SENP7: variants seen among roughly 807,000 people sequenced by gnomAD.
The protein encoded by SENP7 is SUMO specific peptidase 7, also known as sentrin-specific protease 7.
Under a neutral mutation model 141.2 loss-of-function variants are expected in SENP7, and 64 were observed. That is an observed-to-expected ratio of 0.45 (90% CI 0.37 to 0.56). The LOEUF (loss-of-function observed/expected upper bound fraction) is 0.56, where lower values mean the gene tolerates loss of function less well. SENP7 is among the 20% of genes least tolerant of loss of function. The pLI is 0.00. For missense variants in SENP7, 1,025 were observed against 1,212.2 expected, an observed-to-expected ratio of 0.85 and a Z score of 2.29; for synonymous variants, 382 against 426.4, an observed-to-expected ratio of 0.90 and a Z score of 1.28.
At chr3:101,368,581 G>C (rs1314826939) in intron 7 of SENP7, among the ~76,000 whole-genome samples, 7 of 120,984 alleles carry the variant, frequency 5.8e-5, no homozygotes, top group African/African-American at 2.1e-4. Flanking sequence ...GTTGTAGGGT[G>C]GGGGGTGGGG....
intron 6 of SENP7, among the ~76,000 whole-genome samples, chr3:101,386,400 A>C (rs983019191): frequency 5.9e-5 from 9 of 152,182 alleles, no homozygotes; most frequent in African/African-American, 1.9e-4. Flanking sequence ...GGCTGCCTGG[A>C]GTCCACATAA....
At chr3:101,344,544 G>C (rs1318796498) in intron 13 of SENP7, among the ~76,000 whole-genome samples, 1 of 152,148 alleles carries the variant, frequency 6.6e-6, no homozygotes, top group African/African-American at 2.4e-5. Flanking sequence ...GTAGGAAAAA[G>C]GTAGAGGGAT....
chr3:101,384,034 C>A (rs2060582500), intron 6 of SENP7, among the ~76,000 whole-genome samples: 1 of 152,226 alleles, frequency 6.6e-6, no homozygotes. Context: ...CTGGACTCAG[C>A]CAGACTTGGG....
At position 101,393,283 on chromosome 3, in the gene SENP7, A is replaced by AT. The variant is rs202244437; in HGVS notation, c.677+5577dup. ...CTATATGACATTGGTCTGAGCAATG[A>AT]TTTTTTAGATTTCACCCAAAAAGCA... On this transcript the variant is annotated intron_variant, in intron 6 of 23. Coordinates refer to ENST00000394095, the MANE Select transcript of SENP7 (RefSeq NM_020654.5). 5.2e-3 allele frequency among the ~76,000 whole-genome samples: 792 copies of AT among 152,314 alleles called. 29 individuals carry two copies. Among genetic ancestry groups the AT allele is most frequent in the Admixed American group, 0.044 (672 of 15,294 alleles).
intron 1 of SENP7, among the ~76,000 whole-genome samples, chr3:101,507,511 T>C (rs559696721): frequency 1.3e-5 from 2 of 152,326 alleles, no homozygotes; most frequent in Admixed American, 1.3e-4. Flanking sequence ...TCAATACAGT[T>C]TCCTTAAATT....
At chr3:101,510,681 C>T (rs953674113) in intron 1 of SENP7, among the ~76,000 whole-genome samples, 1 of 151,840 alleles carries the variant, frequency 6.6e-6, no homozygotes, top group Non-Finnish European at 1.5e-5. Flanking sequence ...TGTGAAACCC[C>T]ATCTTTACTA....
intron 4 of SENP7, among the ~76,000 whole-genome samples, chr3:101,448,697 A>G (rs2062994747): frequency 6.6e-6 from 1 of 152,204 alleles, no homozygotes; most frequent in Non-Finnish European, 1.5e-5. Flanking sequence ...AACAAACAGA[A>G]AGGACATCCA....
intron 19 of SENP7, among the ~76,000 whole-genome samples, chr3:101,330,632 G>C (rs746943604): frequency 1.3e-5 from 2 of 152,074 alleles, no homozygotes; most frequent in Non-Finnish European, 2.9e-5. Context: ...AGTTAGCTAG[G>C]CAAATTCTCT....
At chr3:101,356,806 G>C (rs2059754961) in intron 11 of SENP7, among the ~76,000 whole-genome samples, 1 of 151,942 alleles carries the variant, frequency 6.6e-6, no homozygotes, top group African/African-American at 2.4e-5. Context: ...AAAAAAGCTT[G>C]AGCAATTGCT....
intron 4 of SENP7, among the ~76,000 whole-genome samples, chr3:101,439,039 A>G (rs2062514665): frequency 7.8e-6 from 1 of 128,620 alleles, no homozygotes; most frequent in Non-Finnish European, 1.7e-5. Context: ...CCCAGTCTGG[A>G]AAGTGAGGAG....
At position 101,351,286 on chromosome 3, in the gene SENP7, T is replaced by C. The variant is rs748352722; in HGVS notation, c.1657+332A>G. On this transcript the variant is annotated intron_variant, in intron 12 of 23. Transcript: ENST00000394095. Reference sequence around the variant, plus strand: ...CCTCTATGCAAAAACATTTTACATGTTTGTGTGCAATATTAAACATTTTCC... The same window carrying C: ...CCTCTATGCAAAAACATTTTACATGCTTGTGTGCAATATTAAACATTTTCC... Among the ~76,000 whole-genome samples the C allele has an allele frequency of 3.9e-4, 59 of 152,050 alleles. 1 individual carries two copies. Among genetic ancestry groups the C allele is most frequent in the Non-Finnish European group, 5.9e-4 (40 of 67,844 alleles).
intron 5 of SENP7, among the ~76,000 whole-genome samples, chr3:101,406,666 A>G (rs2061316777): frequency 6.6e-6 from 1 of 152,188 alleles, no homozygotes; most frequent in African/African-American, 2.4e-5. Context: ...AATTGAGGAA[A>G]GCTTCCCTGG....
At chr3:101,488,958 A>C (rs1174473345) in intron 3 of SENP7, among the ~76,000 whole-genome samples, 1 of 152,218 alleles carries the variant, frequency 6.6e-6, no homozygotes, top group Non-Finnish European at 1.5e-5. Context: ...CTAGCAGCAG[A>C]CTTCTTGGCA....
chr3:101,432,768 C>T (rs1426350319), intron 4 of SENP7, among the ~76,000 whole-genome samples: 3 of 152,178 alleles, frequency 2.0e-5, no homozygotes, highest in African/African-American at 7.2e-5. Flanking sequence ...CACCCAGCTC[C>T]TTTCAAATAT....
chr3:101,493,569 GA>G (rs966917607), intron 3 of SENP7, among the ~76,000 whole-genome samples: 1 of 151,910 alleles, frequency 6.6e-6, no homozygotes, highest in Non-Finnish European at 1.5e-5. Flanking sequence ...AAGTGCATAA[GA>G]ACAAACAATT....
At chr3:101,498,971 C>T (rs373470562) in intron 2 of SENP7, among the ~76,000 whole-genome samples, 32 of 152,224 alleles carry the variant, frequency 2.1e-4, no homozygotes, top group East Asian at 1.9e-3. Flanking sequence ...GATACTGGTC[C>T]CTGGTGCCAA....
chr3:101,339,166 T>C (rs766016646), intron 16 of SENP7, among the ~76,000 whole-genome samples: 1 of 152,168 alleles, frequency 6.6e-6, no homozygotes, highest in Non-Finnish European at 1.5e-5. Context: ...ATCTACAGTG[T>C]CTGTAAATAT....
chr3:101,395,953 A>G (rs2107565319), intron 6 of SENP7, among the ~76,000 whole-genome samples: 1 of 152,352 alleles, frequency 6.6e-6, no homozygotes, highest in East Asian at 1.9e-4. Flanking sequence ...GGGACTTTAC[A>G]TGGATCATCT....
At position 101,415,159 on chromosome 3, in the gene SENP7, T is replaced by C. The variant is rs145878320; in HGVS notation, c.482+2434A>G. On this transcript the variant is annotated intron_variant, in intron 5 of 23. Transcript: ENST00000394095. ...TGTTTTCTTGGTTTTGTGTAATTTA[T>C]ACAAGGGCATACAAGTTGATTTTAA... 6.8e-4 allele frequency among the ~76,000 whole-genome samples: 104 copies of C among 152,364 alleles called. No homozygotes were observed. The East Asian group carries it at 0.019, about 28-fold the overall frequency.
Sources: allele counts gnomAD v4.1 joint callset (sites outside exome capture counted in the v4.1 genomes callset), GRCh38; gene constraint gnomAD v4.1.1; transcripts MANE v1.5; gene names NCBI Gene and HGNC (gene_info 2026-07-23, HGNC 2026-07-21).